Variants in AMBRA1 observed in about 807,000 individuals in gnomAD.
AMBRA1 encodes autophagy and beclin 1 regulator 1.
A neutral mutation model predicts 125.4 loss-of-function variants in AMBRA1; 47 were observed. The observed-to-expected ratio is 0.37, with a 90% CI of 0.30 to 0.48. The LOEUF (loss-of-function observed/expected upper bound fraction) is 0.48, where lower values mean the gene tolerates loss of function less well. Ranked by LOEUF, AMBRA1 falls within the 20% of genes least tolerant of loss-of-function variation. The pLI, the probability that AMBRA1 is intolerant of heterozygous loss-of-function variation, is 0.99. For missense variants in AMBRA1, 1,331 were observed against 1,693.4 expected, an observed-to-expected ratio of 0.79 and a Z score of 3.76; for synonymous variants, 626 against 655.5, an observed-to-expected ratio of 0.95 and a Z score of 0.69.
intron 7 of AMBRA1, among the ~76,000 whole-genome samples, chr11:46,531,028 T>C (rs1411099847): frequency 6.6e-6 from 1 of 152,026 alleles, no homozygotes; most frequent in Non-Finnish European, 1.5e-5. Context: ...GGAAAACAGG[T>C]GCCTGCCACC....
intron 14 of AMBRA1, among the ~76,000 whole-genome samples, chr11:46,428,087 G>A (rs1398130125): frequency 6.6e-6 from 1 of 151,764 alleles, no homozygotes; most frequent in Non-Finnish European, 1.5e-5. Flanking sequence ...GTGAGGGGGA[G>A]GCATATTGCT....
At chr11:46,521,743 G>A (rs1951768977) in intron 7 of AMBRA1, among the ~76,000 whole-genome samples, 1 of 152,168 alleles carries the variant, frequency 6.6e-6, no homozygotes, top group Non-Finnish European at 1.5e-5. Context: ...AGTTTGAGGG[G>A]TGCACTTAAA....
intron 11 of AMBRA1, among the ~76,000 whole-genome samples, chr11:46,470,264 G>A (rs765119288): frequency 2.6e-5 from 4 of 151,952 alleles, no homozygotes; most frequent in African/African-American, 4.8e-5. Flanking sequence ...AACATAGGGA[G>A]ACCCCATATC....
chr11:46,493,920 A>G, intron 10 of AMBRA1: 1 of 645,942 alleles, frequency 1.5e-6, no homozygotes. Flanking sequence ...CTGTTCTTAA[A>G]CAGGATTCTC....
Position 46,408,653 on chromosome 11 carries a change from A to G in AMBRA1, c.3263T>C (p.Ile1088Thr), listed in dbSNP as rs1313310627. Reference sequence around the variant, plus strand: ...GGCAGGGTTCCGGGGCTGAAGCCCAATGGCATTCATCAGCCCCATGTCTCT... The same window carrying G: ...GGCAGGGTTCCGGGGCTGAAGCCCAGTGGCATTCATCAGCCCCATGTCTCT... ...TDRDMGLMNA[I>T]GLQPRNPATS... The change falls in exon 17 of 18, where the codon ATT becomes ACT. Residue 1088 changes from isoleucine (I) to threonine (T), a missense_variant. Physicochemically the swap from Ile to Thr is moderately conservative, Grantham distance 89. This residue lies in a region of AMBRA1 where 354 missense variants were observed against 532.7 expected (regional missense o/e 0.66). Transcript: ENST00000683756. 3.7e-6 allele frequency: 6 copies of G among 1,602,146 alleles called. No homozygotes were observed. Among genetic ancestry groups the G allele is most frequent in the Non-Finnish European group, 4.3e-6 (5 of 1,172,760 alleles).
At chr11:46,420,403 G>T (rs190818379) in intron 14 of AMBRA1, among the ~76,000 whole-genome samples, 1 of 152,116 alleles carries the variant, frequency 6.6e-6, no homozygotes, top group African/African-American at 2.4e-5. Context: ...TTCTCACTCA[G>T]CCTCACTGTC....
At chr11:46,507,021 A>T (rs1273788786) in intron 9 of AMBRA1, among the ~76,000 whole-genome samples, 2 of 148,722 alleles carry the variant, frequency 1.3e-5, no homozygotes, top group African/African-American at 4.9e-5. Flanking sequence ...AAAAAAAAAA[A>T]AAAAAATTAG....
At chr11:46,466,865 A>T (rs1361425984) in intron 11 of AMBRA1, among the ~76,000 whole-genome samples, 1 of 151,018 alleles carries the variant, frequency 6.6e-6, no homozygotes, top group Non-Finnish European at 1.5e-5. Context: ...TTTTCTTCTG[A>T]TAATTAACCA....
chr11:46,543,281 T>C lies in AMBRA1; in HGVS notation c.736A>G (p.Met246Val), dbSNP rs375152769. ...RTPLLHNFLHMLSSRSSGIQV... is the reference protein window; with the variant it reads ...RTPLLHNFLHVLSSRSSGIQV... The stretch of plus-strand genomic sequence containing the variant: ...ATGCCAGAAGAGCGGGAGGACAGCA[T>C]GTGCAGGAAATTGTGGAGGAGAGGC... The change falls in exon 7 of 18, where the codon ATG (methionine) becomes GTG (valine). Residue 246 changes from methionine to valine, a missense_variant. By Grantham distance (21) the Met-to-Val change is conservative. This residue lies in a region of AMBRA1 where 689 missense variants were observed against 776.5 expected (regional missense o/e 0.89). Coordinates refer to ENST00000683756, the MANE Select transcript of AMBRA1 (RefSeq NM_001387011.1). The C allele has an allele frequency of 6.2e-6, 10 of 1,613,892 alleles. No individual in the cohort carries two copies. The highest frequency in any genetic ancestry group is 2.2e-5 in the East Asian group (1 of 44,886).
intron 1 of AMBRA1, among the ~76,000 whole-genome samples, chr11:46,593,546 G>A (rs981404581): frequency 2.0e-5 from 3 of 152,208 alleles, no homozygotes; most frequent in Admixed American, 1.3e-4. Flanking sequence ...AGCTCTATCG[G>A]TTCCTGGAAA....
chr11:46,481,506 G>C (rs986431910), intron 11 of AMBRA1, among the ~76,000 whole-genome samples: 3 of 152,122 alleles, frequency 2.0e-5, no homozygotes, highest in Non-Finnish European at 4.4e-5. Flanking sequence ...TGGGATTACA[G>C]GCATGCGTCA....
chr11:46,447,252 AG>A (rs1948335986), intron 11 of AMBRA1, among the ~76,000 whole-genome samples: 3 of 151,654 alleles, frequency 2.0e-5, no homozygotes, highest in Admixed American at 1.3e-4. Flanking sequence ...AAAAAAAAAA[AG>A]GCCACGCGCA....
At chr11:46,543,897 A>G (rs1157092567) in intron 6 of AMBRA1, 78 bp downstream of exon 6, 27 of 1,189,952 alleles carry the variant, frequency 2.3e-5, no homozygotes, top group Admixed American at 5.6e-5. Flanking sequence ...ATTAAAATCC[A>G]ATATAATCAG....
chr11:46,560,384 G>C (rs1356356701), intron 1 of AMBRA1, among the ~76,000 whole-genome samples: 1 of 152,218 alleles, frequency 6.6e-6, no homozygotes, highest in Non-Finnish European at 1.5e-5. Flanking sequence ...GGGGGGAGAA[G>C]TGAAGCACCA....
chr11:46,549,973 C>T (rs778575385), intron 1 of AMBRA1, among the ~76,000 whole-genome samples: 10 of 152,224 alleles, frequency 6.6e-5, no homozygotes, highest in Admixed American at 2.0e-4. Context: ...CACCTGCCAC[C>T]ACACCCAGCT....
chr11:46,455,377 A>G (rs1010457882), intron 11 of AMBRA1, among the ~76,000 whole-genome samples: 1 of 152,152 alleles, frequency 6.6e-6, no homozygotes, highest in African/African-American at 2.4e-5. Flanking sequence ...ACTTTCTATG[A>G]ATTTGACTAC....
At chr11:46,426,919 C>T (rs1003336333) in intron 14 of AMBRA1, among the ~76,000 whole-genome samples, 22 of 152,214 alleles carry the variant, frequency 1.4e-4, no homozygotes, top group Middle Eastern at 3.4e-3. Flanking sequence ...AATAAAATAT[C>T]ATTATTTTTG....
chr11:46,503,445 G>T (rs59366507), intron 9 of AMBRA1, among the ~76,000 whole-genome samples: 2 of 152,070 alleles, frequency 1.3e-5, no homozygotes, highest in Non-Finnish European at 2.9e-5. Flanking sequence ...TTGATCACAG[G>T]TCACCATAAC....
chr11:46,517,721 C>G (rs1346745216), intron 7 of AMBRA1, among the ~76,000 whole-genome samples: 1 of 149,368 alleles, frequency 6.7e-6, no homozygotes, highest in African/African-American at 2.5e-5. Context: ...GTCCCAGCTA[C>G]TTGGGAGGCT....
Sources: allele counts gnomAD v4.1 joint callset (sites outside exome capture counted in the v4.1 genomes callset), GRCh38; gene constraint gnomAD v4.1.1; regional missense constraint gnomAD v4.1.1; transcripts MANE v1.5; gene names NCBI Gene and HGNC (gene_info 2026-07-23, HGNC 2026-07-21).